The following TRPS1 variants were observed in gnomAD, a reference collection of about 807,000 sequenced individuals.
TRPS1 encodes the protein transcriptional repressor GATA binding 1, also known as zinc finger transcription factor Trps1.
In TRPS1, 6 loss-of-function variants were observed where a neutral mutation model predicts 101.2. The ratio of observed to expected loss-of-function variants is 0.06; its 90% CI spans 0.03 to 0.12. The LOEUF is 0.12. TRPS1 is among the 10% of genes least tolerant of loss of function. TRPS1 has a pLI of 1.00. For missense variants in TRPS1, 1,363 were observed against 1,567.0 expected (o/e 0.87, Z 2.20); for synonymous variants, 578 against 589.8 (o/e 0.98, Z 0.29).
chr8:115,592,872 G>T (rs899285591), intron 4 of TRPS1, among the ~76,000 whole-genome samples: 4 of 152,172 alleles, frequency 2.6e-5, no homozygotes, highest in African/African-American at 9.7e-5. Flanking sequence ...CACACCTTGA[G>T]TAGCAAGAAT....
At chr8:115,455,589 A>G (rs1047936630) in intron 5 of TRPS1, among the ~76,000 whole-genome samples, 4 of 152,160 alleles carry the variant, frequency 2.6e-5, no homozygotes, top group Non-Finnish European at 5.9e-5. Context: ...CGTTATTCAC[A>G]AATTTAAACA....
intron 1 of TRPS1, among the ~76,000 whole-genome samples, chr8:115,633,868 G>C (rs565934117): frequency 3.3e-5 from 5 of 152,206 alleles, no homozygotes; most frequent in Non-Finnish European, 5.9e-5. Context: ...ATAATGATGA[G>C]TGGTTTCTTA....
chr8:115,550,826 G>A (rs1311145519), intron 5 of TRPS1, among the ~76,000 whole-genome samples: 1 of 152,180 alleles, frequency 6.6e-6, no homozygotes, highest in Non-Finnish European at 1.5e-5. Flanking sequence ...CACTGTTCAT[G>A]TAAACATTAG....
In TRPS1 at chr8:115,593,018, A is replaced by G. The variant is rs565580068; in HGVS notation, c.2097-5414T>C. Among the ~76,000 whole-genome samples, 9 of 151,978 alleles carry G rather than the reference A, an allele frequency of 5.9e-5. No homozygotes were observed. In the South Asian group the frequency reaches 1.2e-3, roughly 21 times the overall value. ...TTTTTTTAAGAAACGAGGTCTCACT[A>G]TGTCGCCCAGGCTGGCCTTGAACTC... On this transcript the variant is annotated intron_variant, in intron 4 of 6. Coordinates refer to ENST00000395715, the MANE Select transcript of TRPS1 (RefSeq NM_014112.5).
intron 5 of TRPS1, among the ~76,000 whole-genome samples, chr8:115,560,195 C>A (rs1816914538): frequency 6.6e-6 from 1 of 152,056 alleles, no homozygotes; most frequent in Non-Finnish European, 1.5e-5. Flanking sequence ...CTACTGTGGG[C>A]ATTCAAAATC....
intron 1 of TRPS1, among the ~76,000 whole-genome samples, chr8:115,657,468 A>G (rs1243805835): frequency 6.6e-6 from 1 of 152,142 alleles, no homozygotes; most frequent in African/African-American, 2.4e-5. Context: ...TATTGAATTT[A>G]TAAGCTACCA....
intron 5 of TRPS1, among the ~76,000 whole-genome samples, chr8:115,495,842 T>C (rs759691321): frequency 1.3e-5 from 2 of 152,174 alleles, no homozygotes; most frequent in African/African-American, 2.4e-5. Flanking sequence ...AATTCTACTG[T>C]TCAAATGAAA....
chr8:115,474,492 T>C (rs1814550035), intron 5 of TRPS1, among the ~76,000 whole-genome samples: 1 of 152,262 alleles, frequency 6.6e-6, no homozygotes, highest in South Asian at 2.1e-4. Context: ...ATTATAGAAC[T>C]GGGTTATGCA....
At position 115,485,720 on chromosome 8, in the gene TRPS1, A is replaced by G. The variant is rs192165040; in HGVS notation, c.2701-67268T>C. ...AGGCGAAAAGGCACAGATATAGGAA[A>G]CGGTTCTTTGAAAACCCAAGTTACA... On this transcript the variant is annotated intron_variant, in intron 5 of 6. Transcript: ENST00000395715. Among the ~76,000 whole-genome samples the G allele has an allele frequency of 4.1e-3, 621 of 152,364 alleles. 7 individuals are homozygous for G. The highest frequency in any genetic ancestry group is 0.01 in the Middle Eastern group (3 of 294).
chr8:115,504,722 T>C (rs1403792129), intron 5 of TRPS1, among the ~76,000 whole-genome samples: 1 of 152,212 alleles, frequency 6.6e-6, no homozygotes, highest in African/African-American at 2.4e-5. Context: ...GAAATTATAA[T>C]GTTAGGCATA....
At chr8:115,577,591 C>T (rs1817348694) in intron 5 of TRPS1, among the ~76,000 whole-genome samples, 1 of 152,000 alleles carries the variant, frequency 6.6e-6, no homozygotes, top group African/African-American at 2.4e-5. Flanking sequence ...CCCAAAAACC[C>T]TGACTTGACC....
At chr8:115,618,329 T>C (rs1255566104) in intron 3 of TRPS1, among the ~76,000 whole-genome samples, 1 of 152,206 alleles carries the variant, frequency 6.6e-6, no homozygotes, top group East Asian at 1.9e-4. Flanking sequence ...TGTATACATT[T>C]ATTTAGACTC....
intron 5 of TRPS1, among the ~76,000 whole-genome samples, chr8:115,558,414 CT>C (rs1438198383): frequency 1.3e-5 from 2 of 152,132 alleles, no homozygotes; most frequent in African/African-American, 4.8e-5. Context: ...AGGCTTAAGC[CT>C]AGCTGTTCTA....
chr8:115,586,200 A>G (rs1225592669), intron 5 of TRPS1, among the ~76,000 whole-genome samples: 1 of 152,232 alleles, frequency 6.6e-6, no homozygotes, highest in Non-Finnish European at 1.5e-5. Context: ...AAAATGTCCA[A>G]GAGGTGGTGT....
At chr8:115,654,815 A>G (rs1208178494) in intron 1 of TRPS1, among the ~76,000 whole-genome samples, 1 of 152,204 alleles carries the variant, frequency 6.6e-6, no homozygotes, top group Non-Finnish European at 1.5e-5. Flanking sequence ...GCTTCTAAAC[A>G]TTTGATGCCC....
At chr8:115,559,728 A>G (rs115197008) in intron 5 of TRPS1, among the ~76,000 whole-genome samples, 21 of 152,222 alleles carry the variant, frequency 1.4e-4, no homozygotes, top group African/African-American at 4.6e-4. Context: ...ATTTCCAAAG[A>G]TTTTATTTTT....
intron 5 of TRPS1, among the ~76,000 whole-genome samples, chr8:115,579,224 C>G (rs1222608249): frequency 6.6e-6 from 1 of 152,082 alleles, no homozygotes; most frequent in African/African-American, 2.4e-5. Flanking sequence ...AAATATCCGT[C>G]TATTTTAACC....
At chr8:115,517,225 TTTAGATAGATATCCTAA>T (rs2130209022) in intron 5 of TRPS1, among the ~76,000 whole-genome samples, 1 of 151,838 alleles carries the variant, frequency 6.6e-6, no homozygotes, top group African/African-American at 2.4e-5. Context: ...CTTATTATCA[TTTAGATAGATATCCTAA>T]TTACTTTCTT....
At chr8:115,459,346 A>G (rs759538879) in intron 5 of TRPS1, among the ~76,000 whole-genome samples, 21 of 151,716 alleles carry the variant, frequency 1.4e-4, no homozygotes, top group African/African-American at 2.7e-4. Flanking sequence ...TAATAATAAT[A>G]ATGATGTTAC....
Sources: gnomAD v4.1 joint callset for allele counts (sites outside exome capture counted in the v4.1 genomes callset) on GRCh38, gnomAD v4.1.1 for gene constraint, MANE v1.5 for transcripts, NCBI Gene and HGNC (gene_info 2026-07-23, HGNC 2026-07-21) for gene names.